The following KLHL35 variants were observed in gnomAD, a reference collection of about 807,000 sequenced individuals.
KLHL35 encodes kelch-like protein 35.
Under a neutral mutation model 44.0 loss-of-function variants are expected in KLHL35, and 50 were observed. The observed-to-expected ratio is 1.14, with a 90% confidence interval of 0.91 to 1.44. KLHL35 has a LOEUF of 1.44. Ranked by LOEUF, KLHL35 falls within the 40% of genes most tolerant of loss-of-function variation. KLHL35 has a pLI of 0.00. For synonymous variants in KLHL35, 470 were observed against 410.4 expected (o/e 1.15, Z -1.76); for missense variants, 1,049 against 887.8 (o/e 1.18, Z -2.31).
rs757064527 is a variant in KLHL35 at position 75,428,553 on chromosome 11, C to T, written c.955G>A (p.Ala319Thr). The T allele has an allele frequency of 3.7e-6, 6 of 1,611,524 alleles. No homozygotes were observed. The highest frequency in any genetic ancestry group is 5.1e-6 in the Non-Finnish European group (6 of 1,179,700). The change falls in exon 3 of 7, where the codon GCC (alanine) becomes ACC (threonine). Residue 319 changes from alanine (A) to threonine (T), a missense_variant. Transcript: ENST00000539798. ...TGGCTCTCTGGATGGTAGGCATCGG[C>T]GAAGGGCAGCTTCAGGAGACCTTTG... The part of the protein sequence containing the change: ...DRKGLLKLPF[A>T]DAYHPESQRW...
chr11:75,425,341 C>T (rs1188268232), intron 5 of KLHL35, 52 bp downstream of exon 5: 2 of 1,478,212 alleles, frequency 1.4e-6, no homozygotes, highest in East Asian at 2.6e-5. Context: ...GCCTGGCACA[C>T]AGTGGGCACC....
chr11:75,433,100 G>A lies in KLHL35; in HGVS notation c.-59C>T, dbSNP rs935511258. Among the ~76,000 whole-genome samples, 1 of 152,130 alleles carries A rather than the reference G, an allele frequency of 6.6e-6. No homozygotes were observed. Among genetic ancestry groups the A allele is most frequent in the Non-Finnish European group, 1.5e-5 (1 of 68,028 alleles). On this transcript the variant is annotated 5_prime_UTR_variant, in exon 1 of 7. The change creates a new upstream start codon in the 5' untranslated region. Transcript: ENST00000539798. ...TGCTGCTCTCACAGGTATCACTCCC[G>A]TTTGTGCCTGCCGCCCGCACCCCTG...
At position 75,430,643 on chromosome 11, in the gene KLHL35, G is replaced by T; in HGVS notation, c.-1-13C>A. ...GCCTTGCCGCATCCTGCCGGGGAGAGAACACAAACAGCGTCGGGGAAGCCA... is the reference window on the plus strand; with the variant it reads ...GCCTTGCCGCATCCTGCCGGGGAGATAACACAAACAGCGTCGGGGAAGCCA... On this transcript the variant is annotated splice_polypyrimidine_tract_variant and intron_variant, in intron 1 of 6. Transcript: ENST00000539798. 5 of 1,349,898 alleles carry T rather than the reference G, an allele frequency of 3.7e-6. No individual in the cohort carries two copies. Among genetic ancestry groups the T allele is most frequent in the Non-Finnish European group, 4.8e-6 (5 of 1,052,046 alleles). 83.6% of individuals were successfully genotyped at this position (1,349,898 alleles called of 1,614,324 possible). A position where few individuals can be genotyped will look rare whatever the true frequency, so the allele number is the denominator to read the frequency against.
At chr11:75,424,563 G>C (rs1948475548) in intron 5 of KLHL35, 1 of 152,816 alleles carries the variant, frequency 6.5e-6, no homozygotes, top group African/African-American at 2.4e-5. Flanking sequence ...TCCCCCCACA[G>C]CAGCCTATAA....
intron 5 of KLHL35, 102 bp from the exon 6 acceptor site, chr11:75,423,982 A>C: frequency 1.1e-6 from 1 of 917,040 alleles, no homozygotes; most frequent in Non-Finnish European, 1.6e-6. Context: ...ACTCATTCAA[A>C]ACGACATTTG....
intron 5 of KLHL35, 55 bp downstream of exon 5, chr11:75,425,338 A>G: frequency 6.8e-7 from 1 of 1,475,840 alleles, no homozygotes; most frequent in South Asian, 1.3e-5. Context: ...TGCGCCTGGC[A>G]CACAGTGGGC....
rs530092979 is a variant in KLHL35, at chr11:75,428,638, A to T, written c.882-12T>A. 2 of 1,568,262 alleles carry T rather than the reference A, an allele frequency of 1.3e-6. No homozygotes were observed. Among genetic ancestry groups the T allele is most frequent in the Admixed American group, 1.8e-5 (1 of 56,810 alleles). Reference sequence around the variant, plus strand: ...CTAGGTCCATGAATCTGGCGTGCGGATAAGCCCAGTGCCTGTTGGGCCGCA... The same window carrying T: ...CTAGGTCCATGAATCTGGCGTGCGGTTAAGCCCAGTGCCTGTTGGGCCGCA... On this transcript the variant is annotated splice_polypyrimidine_tract_variant and intron_variant, in intron 2 of 6. Transcript: ENST00000539798.
At chr11:75,429,581 G>T (rs946851937) in intron 2 of KLHL35, among the ~76,000 whole-genome samples, 168 bp downstream of exon 2, 8 of 152,226 alleles carry the variant, frequency 5.3e-5, no homozygotes, top group Non-Finnish European at 1.0e-4. Context: ...TCCCTCACTG[G>T]CTTGTTAACT....
Position 75,428,558 on chromosome 11 carries a change from G to C in KLHL35, c.950C>G (p.Pro317Arg). Residue 317 changes from proline to arginine, a missense_variant, in exon 3 of 7, where the codon CCC becomes CGC. By Grantham distance (103) the Pro-to-Arg change is moderately radical (BLOSUM62 -2). Transcript: ENST00000539798. ...CTCTGGATGGTAGGCATCGGCGAAG[G>C]GCAGCTTCAGGAGACCTTTGCGGTC... is the stretch of plus-strand genomic sequence containing the variant. The part of the protein sequence containing the change: ...GCDRKGLLKL[P>R]FADAYHPESQ... 3 of 1,611,350 alleles carry C rather than the reference G, an allele frequency of 1.9e-6. No individual in the cohort carries two copies. The South Asian group carries it at 3.3e-5, about 18-fold the overall frequency.
chr11:75,429,786 C>T lies in KLHL35; in HGVS notation c.844G>A (p.Gly282Ser), dbSNP rs1202276210. ...GTCCGCAGCGCACCGGCCTCGCGGC[C>T]CAGGATGAAGCAGGCGCGAGCCTCG... ...LLEARACFILGREAGALRTRP... is the reference protein window; with the variant it reads ...LLEARACFILSREAGALRTRP... Residue 282 changes from glycine to serine, a missense_variant, in exon 2 of 7, where the codon GGC becomes AGC. Gly to Ser is a moderately conservative substitution (Grantham distance 56, BLOSUM62 0). Transcript: ENST00000539798. The T allele has an allele frequency of 6.6e-7, 1 of 1,510,710 alleles. No individual in the cohort carries two copies. The highest frequency in any genetic ancestry group is 2.7e-5 in the East Asian group (1 of 37,136). 93.6% of individuals were successfully genotyped at this position (1,510,710 alleles called of 1,614,324 possible). A position where few individuals can be genotyped will look rare whatever the true frequency, so the allele number is the denominator to read the frequency against.
At chr11:75,428,120 G>A (rs1487788181) in intron 3 of KLHL35, among the ~76,000 whole-genome samples, 1 of 152,226 alleles carries the variant, frequency 6.6e-6, no homozygotes, top group African/African-American at 2.4e-5. Flanking sequence ...ATTGTAGGGG[G>A]ATTTAATGAT....
rs1948456210 is a variant in KLHL35 at position 75,422,487 on chromosome 11, G to A, written c.*93C>T. 1 of 1,153,678 alleles carries A rather than the reference G, an allele frequency of 8.7e-7. No homozygotes were observed. Among genetic ancestry groups the A allele is most frequent in the African/African-American group, 1.5e-5 (1 of 65,874 alleles). The allele number at this position is 1,153,678 out of a possible 1,614,324, so 71.5% of individuals were successfully genotyped here. A position where few individuals can be genotyped will look rare whatever the true frequency, so the allele number is the denominator to read the frequency against. On this transcript the variant is annotated 3_prime_UTR_variant, in exon 7 of 7. Transcript: ENST00000539798. The stretch of plus-strand genomic sequence containing the variant: ...CAAGAAAAGGGACCATTAAGTTAAG[G>A]GCTGTTTGCGTGGAGGTGCCATGAG...
At chr11:75,426,898 GGT>G in intron 3 of KLHL35, 9 of 305,366 alleles carry the variant, frequency 2.9e-5, no homozygotes, top group South Asian at 8.6e-5. Flanking sequence ...GGCACCTTGT[GGT>G]GGTGGTGGTG....
chr11:75,426,753 G>A (rs971590516), intron 3 of KLHL35, 115 bp from the exon 4 acceptor site: 3 of 647,410 alleles, frequency 4.6e-6, no homozygotes, highest in African/African-American at 3.6e-5. Context: ...AAGGCAGCAG[G>A]AGGACTTCTT....
intron 2 of KLHL35, among the ~76,000 whole-genome samples, chr11:75,428,922 T>C (rs981042545): frequency 2.6e-5 from 4 of 152,208 alleles, no homozygotes; most frequent in African/African-American, 9.6e-5. Flanking sequence ...TTAATCTGTA[T>C]GGCAGTTCTA....
chr11:75,430,014 G>A lies in KLHL35; in HGVS notation c.616C>T (p.Pro206Ser). ...PDEVVALLAD[P>S]ALGVAREEAV... ...TCCTCGCGCGCCACGCCCAGCGCGGGGTCCGCCAGCAGCGCCACCACCTCG... is the reference window on the plus strand; with the variant it reads ...TCCTCGCGCGCCACGCCCAGCGCGGAGTCCGCCAGCAGCGCCACCACCTCG... The change falls in exon 2 of 7, where the codon CCC becomes TCC. Residue 206 changes from proline (P) to serine (S), a missense_variant. Pro to Ser is a moderately conservative substitution (Grantham distance 74). Coordinates refer to ENST00000539798, the MANE Select transcript of KLHL35 (RefSeq NM_001039548.3). 7.1e-7 allele frequency: 1 copy of A among 1,417,806 alleles called. No homozygotes were observed. 87.8% of individuals were successfully genotyped at this position (1,417,806 alleles called of 1,614,324 possible). A position where few individuals can be genotyped will look rare whatever the true frequency, so the allele number is the denominator to read the frequency against.
In KLHL35 at chr11:75,430,392, C is replaced by G; in HGVS notation, c.238G>C (p.Ala80Pro). ...GCTACTGGCACCACTGGCACCACGGCCGGGCCGCGCTCGGGCCGCCCGGCC... is the reference window on the plus strand; with the variant it reads ...GCTACTGGCACCACTGGCACCACGGGCGGGCCGCGCTCGGGCCGCCCGGCC... ...FAAGRPERGPAVVPVVPVAPE... is the reference protein window; with the variant it reads ...FAAGRPERGPPVVPVVPVAPE... Residue 80 changes from alanine (A) to proline (P), a missense_variant, in exon 2 of 7, where the codon GCC becomes CCC. By Grantham distance (27) the Ala-to-Pro change is conservative. Coordinates refer to ENST00000539798, the MANE Select transcript of KLHL35 (RefSeq NM_001039548.3). 1 of 1,368,132 alleles carries G rather than the reference C, an allele frequency of 7.3e-7. No homozygotes were observed. 84.7% of individuals were successfully genotyped at this position (1,368,132 alleles called of 1,614,324 possible). A position where few individuals can be genotyped will look rare whatever the true frequency, so the allele number is the denominator to read the frequency against.
chr11:75,425,038 TG>T, intron 5 of KLHL35: 1 of 162,934 alleles, frequency 6.1e-6, no homozygotes. Flanking sequence ...GGTGGGATTA[TG>T]GGTTTTTTTT....
chr11:75,425,466 G>A lies in KLHL35; in HGVS notation c.1301C>T (p.Ala434Val), dbSNP rs748230827. ...AAPLPEAVSSAAVASCAGKLF... is the reference protein window; with the variant it reads ...AAPLPEAVSSVAVASCAGKLF... ...CTTGCCCGCGCAGGACGCCACCGCC[G>A]CCGAGCTCACGGCCTCCGGGAGGGG... Residue 434 changes from alanine to valine, a missense_variant, in exon 5 of 7, where the codon GCG (alanine) becomes GTG (valine). By Grantham distance (64) the Ala-to-Val change is moderately conservative. Transcript: ENST00000539798. 15 of 1,572,526 alleles carry A rather than the reference G, an allele frequency of 9.5e-6. No individual in the cohort carries two copies. Among genetic ancestry groups the A allele is most frequent in the Non-Finnish European group, 1.2e-5 (14 of 1,164,970 alleles).
Sources: allele counts gnomAD v4.1 joint callset (sites outside exome capture counted in the v4.1 genomes callset), GRCh38; gene constraint gnomAD v4.1.1; transcripts MANE v1.5; gene names NCBI Gene and HGNC (gene_info 2026-07-23, HGNC 2026-07-21).